The following FER variants were observed in gnomAD, a reference collection of about 807,000 sequenced individuals.
FER encodes the protein FER tyrosine kinase, also known as tyrosine-protein kinase Fer.
FER carries 63 observed loss-of-function variants against 111.0 expected under a neutral mutation model. The observed-to-expected ratio is 0.57, with a 90% CI of 0.46 to 0.70. The LOEUF is 0.70. Among genes scored for constraint, FER ranks in the 30% least tolerant of loss-of-function variants. The pLI is 0.00. For missense variants in FER, 914 were observed against 954.0 expected (o/e 0.96, Z 0.55); for synonymous variants, 327 against 313.9 (o/e 1.04, Z -0.44).
chr5:108,897,929 G>T, intron 10 of FER, 81 bp downstream of exon 10: 1 of 1,259,450 alleles, frequency 7.9e-7, no homozygotes, highest in Non-Finnish European at 1.1e-6. Flanking sequence ...ATTTAAATTT[G>T]CTATAACAAA....
intron 17 of FER, among the ~76,000 whole-genome samples, chr5:109,146,253 A>AATATATATATATATATATATATATATAT (rs6149172): frequency 4.7e-5 from 2 of 42,126 alleles, no homozygotes; most frequent in Admixed American, 2.6e-4. Context: ...TAATCTATCT[A>AATATATATATATATATATATATATATAT]ATATATATAT....
intron 17 of FER, among the ~76,000 whole-genome samples, chr5:109,143,308 A>G (rs1753719966): frequency 6.6e-6 from 1 of 152,160 alleles, no homozygotes; most frequent in South Asian, 2.1e-4. Context: ...CTCTAGACAC[A>G]TAAATTTACT....
chr5:108,761,607 G>T (rs1288236574), intron 1 of FER, among the ~76,000 whole-genome samples: 1 of 152,162 alleles, frequency 6.6e-6, no homozygotes, highest in Non-Finnish European at 1.5e-5. Flanking sequence ...TAACACAGAG[G>T]CGTGAAATGT....
intron 17 of FER, among the ~76,000 whole-genome samples, chr5:109,148,263 T>C (rs984100911): frequency 1.3e-5 from 2 of 152,142 alleles, no homozygotes; most frequent in African/African-American, 4.8e-5. Context: ...ACTGACAGTT[T>C]AGATATAGGA....
intron 16 of FER, among the ~76,000 whole-genome samples, chr5:109,086,756 T>A (rs996563905): frequency 1.3e-5 from 2 of 151,636 alleles, no homozygotes; most frequent in Admixed American, 6.6e-5. Context: ...TCTTTCATTC[T>A]TGTCTTTTCT....
intron 13 of FER, among the ~76,000 whole-genome samples, chr5:108,971,097 GA>G (rs767387541): frequency 6.6e-6 from 1 of 151,670 alleles, no homozygotes; most frequent in African/African-American, 2.4e-5. Flanking sequence ...ACACTTAACA[GA>G]AAAAAATCAA....
intron 17 of FER, among the ~76,000 whole-genome samples, chr5:109,108,123 A>G (rs1428700271): frequency 6.6e-6 from 1 of 152,140 alleles, no homozygotes; most frequent in Non-Finnish European, 1.5e-5. Flanking sequence ...ACACTCATGG[A>G]GAGCTCACTG....
chr5:108,796,043 C>A (rs1755979373), intron 2 of FER, among the ~76,000 whole-genome samples: 1 of 152,148 alleles, frequency 6.6e-6, no homozygotes, highest in South Asian at 2.1e-4. Context: ...CCAGGTAATA[C>A]AAGGTACTTG....
intron 8 of FER, among the ~76,000 whole-genome samples, chr5:108,882,223 T>G (rs1173312934): frequency 6.6e-6 from 1 of 152,078 alleles, no homozygotes; most frequent in Admixed American, 6.6e-5. Context: ...TGAGAGACAG[T>G]TCCAAGATGA....
chr5:109,025,603 A>G (rs1315262162), intron 13 of FER, among the ~76,000 whole-genome samples: 38 of 150,134 alleles, frequency 2.5e-4, no homozygotes, highest in African/African-American at 7.3e-4. Flanking sequence ...CTAATTGAAT[A>G]CCCTTTATTT....
rs1190432266 is a variant in FER at position 109,007,484 on chromosome 5, C to T, written c.1657-29938C>T. 2.6e-5 allele frequency among the ~76,000 whole-genome samples: 4 copies of T among 152,276 alleles called. No individual in the cohort carries two copies. The Middle Eastern group carries it at 0.01, about 388-fold the overall frequency. On this transcript the variant is annotated intron_variant, in intron 13 of 19. Coordinates refer to ENST00000281092, the MANE Select transcript of FER (RefSeq NM_005246.4). ...CCTTTCTAGTCAACCCAGCTACTTACCCTTTGGAAAGTGAGAATGTCATAT... is the reference window on the plus strand; with the variant it reads ...CCTTTCTAGTCAACCCAGCTACTTATCCTTTGGAAAGTGAGAATGTCATAT...
chr5:109,137,037 A>C lies in FER; in HGVS notation c.2048+36518A>C, dbSNP rs573612410. Among the ~76,000 whole-genome samples, 18 of 152,304 alleles carry C rather than the reference A, an allele frequency of 1.2e-4. No homozygotes were observed. The East Asian group carries it at 3.3e-3, about 28-fold the overall frequency. ...TCTGTATAAACTAGTGCTGTGCGTT[A>C]AAATAGCATTTCCCAAAGTCTCTTA... On this transcript the variant is annotated intron_variant, in intron 17 of 19. Transcript: ENST00000281092.
intron 11 of FER, among the ~76,000 whole-genome samples, chr5:108,951,749 GT>G (rs1049624022): frequency 3.3e-5 from 5 of 151,882 alleles, no homozygotes; most frequent in Non-Finnish European, 5.9e-5. Flanking sequence ...ATGGTTTATT[GT>G]GTAATTAATT....
rs545811642 is a variant in FER at position 109,145,446 on chromosome 5, G to A, written c.2049-35301G>A. On this transcript the variant is annotated intron_variant, in intron 17 of 19. Coordinates refer to ENST00000281092, the MANE Select transcript of FER (RefSeq NM_005246.4). ...GAAGTTAAATTTACCTACATATTAT[G>A]TGCTTCAGTGTTTTATATTTTCTTT... Among the ~76,000 whole-genome samples the A allele has an allele frequency of 1.1e-4, 16 of 152,100 alleles. No individual in the cohort carries two copies. In the South Asian group the frequency reaches 3.3e-3, roughly 32 times the overall value.
At chr5:108,947,005 G>T (rs1757073230) in intron 11 of FER, among the ~76,000 whole-genome samples, 1 of 151,952 alleles carries the variant, frequency 6.6e-6, no homozygotes, top group South Asian at 2.1e-4. Context: ...GTTCATCCAT[G>T]TCATACAATG....
chr5:108,801,465 A>G (rs976304959), intron 3 of FER, among the ~76,000 whole-genome samples: 1 of 152,216 alleles, frequency 6.6e-6, no homozygotes, highest in South Asian at 2.1e-4. Flanking sequence ...ATATGTTCTA[A>G]TATCCCCAGT....
chr5:109,043,553 A>G (rs997075758), intron 14 of FER, among the ~76,000 whole-genome samples: 5 of 152,176 alleles, frequency 3.3e-5, no homozygotes, highest in East Asian at 3.8e-4. Flanking sequence ...TCAAGGTACA[A>G]ATTTTAACTT....
intron 10 of FER, among the ~76,000 whole-genome samples, chr5:108,902,605 C>T (rs558214400): frequency 2.0e-5 from 3 of 152,236 alleles, no homozygotes; most frequent in East Asian, 3.9e-4. Flanking sequence ...AAGGAGCCTC[C>T]TGGGAGGACC....
chr5:108,852,225 A>G (rs1258593238), intron 5 of FER, among the ~76,000 whole-genome samples: 1 of 152,202 alleles, frequency 6.6e-6, no homozygotes, highest in African/African-American at 2.4e-5. Context: ...ATTTTCTTAA[A>G]TTGCCTCTTC....
Sources: allele counts gnomAD v4.1 joint callset (sites outside exome capture counted in the v4.1 genomes callset), GRCh38; gene constraint gnomAD v4.1.1; transcripts MANE v1.5; gene names NCBI Gene and HGNC (gene_info 2026-07-23, HGNC 2026-07-21).